The following TMEM245 variants were observed in gnomAD, a reference collection of about 807,000 sequenced individuals.
The protein encoded by TMEM245 is protein CG-2.
Under a neutral mutation model 101.2 loss-of-function variants are expected in TMEM245, and 69 were observed. The ratio of observed to expected loss-of-function variants is 0.68; its 90% confidence interval spans 0.56 to 0.83. The LOEUF (loss-of-function observed/expected upper bound fraction) is 0.83. TMEM245 is among the 40% of genes least tolerant of loss of function. The pLI is 0.00. For synonymous variants in TMEM245, 537 were observed against 449.8 expected, an observed-to-expected ratio of 1.19 and a Z score of -2.45; for missense variants, 1,075 against 1,092.8, an observed-to-expected ratio of 0.98 and a Z score of 0.23.
At chr9:109,039,885 G>T (rs957706461) in intron 14 of TMEM245, among the ~76,000 whole-genome samples, 6 of 151,852 alleles carry the variant, frequency 4.0e-5, no homozygotes, top group African/African-American at 7.3e-5. Flanking sequence ...TCTAGAACTA[G>T]GGAGGTCAAT....
chr9:109,077,767 T>C (rs1471253357), intron 8 of TMEM245, among the ~76,000 whole-genome samples: 5 of 152,244 alleles, frequency 3.3e-5, no homozygotes, highest in Non-Finnish European at 7.3e-5. Context: ...GCACAGTGTA[T>C]GTTTTTTAAT....
rs568152457 is a variant in TMEM245, at chr9:109,048,592, T to C, written c.2123+1691A>G. On this transcript the variant is annotated intron_variant, in intron 14 of 17. Coordinates refer to ENST00000374586, the MANE Select transcript of TMEM245 (RefSeq NM_032012.4). Reference sequence around the variant, plus strand: ...TAGAAAAAGGAGCTCTAATGGACAATAGGAGGGTTTAATTTGAGACGTATT... The same window carrying C: ...TAGAAAAAGGAGCTCTAATGGACAACAGGAGGGTTTAATTTGAGACGTATT... Among the ~76,000 whole-genome samples the C allele has an allele frequency of 3.9e-5, 6 of 152,130 alleles. No individual in the cohort carries two copies. In the East Asian group the frequency reaches 5.8e-4, roughly 15 times the overall value.
chr9:109,111,822 T>C (rs923340171), intron 1 of TMEM245, among the ~76,000 whole-genome samples: 4 of 150,598 alleles, frequency 2.7e-5, no homozygotes, highest in Non-Finnish European at 5.9e-5. Flanking sequence ...GGTGAAAATA[T>C]ACTCAACAAA....
At chr9:109,028,378 C>T (rs559013384) in intron 17 of TMEM245, among the ~76,000 whole-genome samples, 30 of 150,784 alleles carry the variant, frequency 2.0e-4, no homozygotes, top group Non-Finnish European at 3.1e-4. Context: ...CATTTGAATC[C>T]GGGTGGCAGA....
chr9:109,057,441 G>T, intron 11 of TMEM245, 119 bp from the exon 12 acceptor site: 1 of 1,188,458 alleles, frequency 8.4e-7, no homozygotes. Context: ...CCAAGGAAAA[G>T]AACTTTGCAT....
Position 109,119,486 on chromosome 9 carries a change from A to G in TMEM245, c.428T>C (p.Leu143Pro). ...YGVEALGEQA[L>P]RRRRLLLLLG... is the part of the protein sequence containing the mutation. ...CAGCAGGAGCAGGCGGCGGCGGCGC[A>G]GCGCCTGCTCGCCCAGGGCCTCGAC... Residue 143 changes from leucine (L) to proline (P), a missense_variant, in exon 1 of 18, where the codon CTG becomes CCG. This residue lies in a region of TMEM245 where 808 missense variants were observed against 741.5 expected (regional missense o/e 1.09). Transcript: ENST00000374586. 2.7e-6 allele frequency: 4 copies of G among 1,488,890 alleles called. No homozygotes were observed. Among genetic ancestry groups the G allele is most frequent in the Non-Finnish European group, 3.5e-6 (4 of 1,129,596 alleles). The allele number at this position is 1,488,890 out of a possible 1,614,324, so 92.2% of individuals were successfully genotyped here.
intron 12 of TMEM245, among the ~76,000 whole-genome samples, chr9:109,051,779 T>C (rs974609057): frequency 8.5e-5 from 13 of 152,208 alleles, no homozygotes; most frequent in African/African-American, 2.7e-4. Context: ...GGATCCTAAG[T>C]GCAGGCCATG....
Position 109,020,590 on chromosome 9 carries a change from T to A in TMEM245, c.2595-85A>T. The stretch of plus-strand genomic sequence containing the variant: ...CAATCTTTTGGAGCCCTAATGAGAT[T>A]ATATAGTCACTATTTTTTCTTAAGA... On this transcript the variant is annotated intron_variant, in intron 17 of 17. Coordinates refer to ENST00000374586, the MANE Select transcript of TMEM245 (RefSeq NM_032012.4). The A allele has an allele frequency of 3.4e-6, 4 of 1,171,188 alleles. No individual in the cohort carries two copies. In the South Asian group the frequency reaches 5.4e-5, roughly 16 times the overall value. The allele number at this position is 1,171,188 out of a possible 1,614,324, so 72.5% of individuals were successfully genotyped here. A position where few individuals can be genotyped will look rare whatever the true frequency, so the allele number is the denominator to read the frequency against.
intron 7 of TMEM245, among the ~76,000 whole-genome samples, chr9:109,081,822 A>G (rs1829673510): frequency 6.6e-6 from 1 of 152,212 alleles, no homozygotes; most frequent in Non-Finnish European, 1.5e-5. Flanking sequence ...CCTAAATGCT[A>G]TCTGACATTA....
intron 14 of TMEM245, among the ~76,000 whole-genome samples, chr9:109,047,966 A>T (rs2132377165): frequency 6.6e-6 from 1 of 152,344 alleles, no homozygotes; most frequent in East Asian, 1.9e-4. Flanking sequence ...CACCTAGATA[A>T]ACAAAAGATT....
At position 109,016,927 on chromosome 9, in the gene TMEM245, G is replaced by A. The variant is rs1827463196; in HGVS notation, c.*3533C>T. ...GGCTAGAGTATGAGAAGTCCTAAGG[G>A]TTTTTGTATTTTGTTTTTTTTTCCT... On this transcript the variant is annotated 3_prime_UTR_variant, in exon 18 of 18. Coordinates refer to ENST00000374586, the MANE Select transcript of TMEM245 (RefSeq NM_032012.4). The A allele has an allele frequency of 6.9e-6, 1 of 145,452 alleles. No individual in the cohort carries two copies. Among genetic ancestry groups the A allele is most frequent in the Admixed American group, 6.9e-5 (1 of 14,568 alleles). The allele number at this position is 145,452 out of a possible 1,614,324, so 9.0% of individuals were successfully genotyped here. A position where few individuals can be genotyped will look rare whatever the true frequency, so the allele number is the denominator to read the frequency against.
chr9:109,099,983 C>T (rs1276226193), intron 3 of TMEM245, among the ~76,000 whole-genome samples: 4 of 152,218 alleles, frequency 2.6e-5, no homozygotes, highest in Admixed American at 6.5e-5. Flanking sequence ...AGCACCTTGA[C>T]ATTGGCCTTC....
chr9:109,045,230 C>CTTGAGAGGTCT (rs1259148209), intron 14 of TMEM245, among the ~76,000 whole-genome samples: 1 of 152,192 alleles, frequency 6.6e-6, no homozygotes, highest in African/African-American at 2.4e-5. Context: ...CTTCCCAGCC[C>CTTGAGAGGTCT]CAACCTCCCT....
chr9:109,094,279 T>C (rs750241545), intron 3 of TMEM245, among the ~76,000 whole-genome samples: 2 of 152,232 alleles, frequency 1.3e-5, no homozygotes, highest in African/African-American at 4.8e-5. Context: ...CAAGGAAGAA[T>C]AGCTCACATA....
At chr9:109,103,057 TA>T (rs1226251038) in intron 3 of TMEM245, among the ~76,000 whole-genome samples, 2 of 152,220 alleles carry the variant, frequency 1.3e-5, no homozygotes, top group African/African-American at 4.8e-5. Context: ...TACCTCAAAA[TA>T]ATCTTTAAAA....
intron 17 of TMEM245, among the ~76,000 whole-genome samples, chr9:109,022,152 A>C (rs553843294): frequency 2.0e-5 from 3 of 152,220 alleles, no homozygotes; most frequent in Non-Finnish European, 4.4e-5. Context: ...GGGAACAGGT[A>C]AAATGTCACA....
At chr9:109,041,069 T>C (rs1260793360) in intron 14 of TMEM245, among the ~76,000 whole-genome samples, 1 of 152,192 alleles carries the variant, frequency 6.6e-6, no homozygotes, top group Non-Finnish European at 1.5e-5. Flanking sequence ...CAGAAGCCAC[T>C]GCCTCCTACC....
intron 8 of TMEM245, among the ~76,000 whole-genome samples, chr9:109,079,889 C>T (rs958615195): frequency 6.6e-6 from 1 of 152,130 alleles, no homozygotes; most frequent in South Asian, 2.1e-4. Flanking sequence ...AGTATATATA[C>T]GTGACTATAC....
rs755400132 is a variant in TMEM245, at chr9:109,073,316, G to C, written c.1532+40C>G. 6.2e-6 allele frequency: 9 copies of C among 1,451,214 alleles called. No individual in the cohort carries two copies. In the South Asian group the frequency reaches 8.0e-5, roughly 13 times the overall value. 89.9% of individuals were successfully genotyped at this position (1,451,214 alleles called of 1,614,324 possible). ...TTCGTGCAAACAGATGCTGAAACTAGGCCATTCATCTCTCTTCTTTTTCAA... is the reference window on the plus strand; with the variant it reads ...TTCGTGCAAACAGATGCTGAAACTACGCCATTCATCTCTCTTCTTTTTCAA... On this transcript the variant is annotated intron_variant, in intron 9 of 17. Transcript: ENST00000374586.
Sources: gnomAD v4.1 joint callset for allele counts (sites outside exome capture counted in the v4.1 genomes callset) on GRCh38, gnomAD v4.1.1 for gene constraint, gnomAD v4.1.1 regional missense constraint, MANE v1.5 for transcripts, NCBI Gene and HGNC (gene_info 2026-07-23, HGNC 2026-07-21) for gene names.